CACNA2D3: variants seen among roughly 807,000 people sequenced by gnomAD.
CACNA2D3 encodes voltage-dependent calcium channel subunit alpha-2/delta-3.
A neutral mutation model predicts 160.6 loss-of-function variants in CACNA2D3; 60 were observed. The ratio of observed to expected loss-of-function variants is 0.37; its 90% confidence interval spans 0.30 to 0.46. The LOEUF (loss-of-function observed/expected upper bound fraction) is 0.46. CACNA2D3 is among the 20% of genes least tolerant of loss of function. CACNA2D3 has a pLI of 1.00. For synonymous variants in CACNA2D3, 558 were observed against 492.9 expected (o/e 1.13, Z -1.75); for missense variants, 1,205 against 1,365.0 (o/e 0.88, Z 1.85).
chr3:55,050,359 C>A (rs1436267882), intron 35 of CACNA2D3, among the ~76,000 whole-genome samples: 6 of 151,684 alleles, frequency 4.0e-5, no homozygotes, highest in East Asian at 3.9e-4. Context: ...TCCTTCACTT[C>A]TGAAGCTTAG....
At chr3:54,525,604 G>A (rs1210571809) in intron 5 of CACNA2D3, among the ~76,000 whole-genome samples, 2 of 151,970 alleles carry the variant, frequency 1.3e-5, no homozygotes, top group Admixed American at 6.6e-5. Context: ...AGGATTTTTG[G>A]TTGACAGTTT....
chr3:54,154,356 C>T (rs1478618785), intron 2 of CACNA2D3, among the ~76,000 whole-genome samples: 1 of 152,082 alleles, frequency 6.6e-6, no homozygotes, highest in Non-Finnish European at 1.5e-5. Flanking sequence ...TTCCATTTTA[C>T]AAATGAGAAC....
intron 31 of CACNA2D3, among the ~76,000 whole-genome samples, chr3:54,998,146 T>G (rs1702900112): frequency 6.7e-6 from 1 of 148,938 alleles, no homozygotes; most frequent in African/African-American, 2.5e-5. Flanking sequence ...TTTTTTTTTT[T>G]GAGATGGAGT....
intron 31 of CACNA2D3, among the ~76,000 whole-genome samples, chr3:54,998,260 C>G (rs570538105): frequency 6.6e-6 from 1 of 151,688 alleles, no homozygotes; most frequent in Non-Finnish European, 1.5e-5. Flanking sequence ...CTTAGCCTGC[C>G]GAGTAGCTGG....
chr3:54,619,496 C>CT (rs1339863019), intron 9 of CACNA2D3, among the ~76,000 whole-genome samples: 3 of 152,194 alleles, frequency 2.0e-5, no homozygotes, highest in African/African-American at 7.2e-5. Context: ...GGAGATCTAT[C>CT]TTTTCTCTAA....
At chr3:54,270,328 G>A (rs1186893478) in intron 2 of CACNA2D3, among the ~76,000 whole-genome samples, 1 of 152,174 alleles carries the variant, frequency 6.6e-6, no homozygotes, top group African/African-American at 2.4e-5. Context: ...TATAAATATA[G>A]AACAGAAATA....
At chr3:54,922,823 C>T (rs919488265) in intron 27 of CACNA2D3, among the ~76,000 whole-genome samples, 20 of 152,130 alleles carry the variant, frequency 1.3e-4, no homozygotes, top group Non-Finnish European at 2.6e-4. Context: ...TCACTCACTC[C>T]CCCCAGTCCC....
At chr3:54,626,077 C>G in intron 9 of CACNA2D3, 1 of 568,038 alleles carries the variant, frequency 1.8e-6, no homozygotes, top group Non-Finnish European at 3.2e-6. Context: ...GGTGACTCCC[C>G]CTGCCAGTTT....
intron 3 of CACNA2D3, among the ~76,000 whole-genome samples, chr3:54,365,887 C>T (rs553885138): frequency 1.2e-4 from 18 of 152,172 alleles, no homozygotes; most frequent in East Asian, 1.2e-3. Flanking sequence ...AAATAAAATA[C>T]AGCCTATCCT....
intron 35 of CACNA2D3, among the ~76,000 whole-genome samples, chr3:55,024,637 G>A (rs358048): frequency 0.27 from 40,755 of 152,004 alleles, 5,954 homozygotes; most frequent in East Asian, 0.45. Context: ...TTGATCTTGG[G>A]ATTCCCAGCC....
intron 32 of CACNA2D3, among the ~76,000 whole-genome samples, chr3:55,006,903 T>C (rs1172021401): frequency 6.6e-6 from 1 of 152,188 alleles, no homozygotes; most frequent in Non-Finnish European, 1.5e-5. Context: ...TGGCATGCAT[T>C]TCAATTCTCC....
chr3:54,444,913 A>G (rs1201548388), intron 4 of CACNA2D3, among the ~76,000 whole-genome samples: 1 of 152,238 alleles, frequency 6.6e-6, no homozygotes, highest in Non-Finnish European at 1.5e-5. Context: ...TGCCTTTGCA[A>G]GTGCAGCTAA....
chr3:54,463,593 C>CAT (rs200791385), intron 4 of CACNA2D3, among the ~76,000 whole-genome samples: 13,278 of 152,074 alleles, frequency 0.087, 783 homozygotes, highest in Middle Eastern at 0.14. Flanking sequence ...GCATTCTTCA[C>CAT]AGTTCTCGAG....
intron 11 of CACNA2D3, among the ~76,000 whole-genome samples, chr3:54,751,032 A>G (rs571792076): frequency 6.6e-6 from 1 of 152,036 alleles, no homozygotes; most frequent in Non-Finnish European, 1.5e-5. Context: ...GGCCTCCCAA[A>G]GTACTGGGAG....
At chr3:54,670,205 C>G (rs538240271) in intron 11 of CACNA2D3, among the ~76,000 whole-genome samples, 1 of 152,268 alleles carries the variant, frequency 6.6e-6, no homozygotes, top group African/African-American at 2.4e-5. Flanking sequence ...TTTTCCTATT[C>G]TCTCCTGCCC....
At chr3:54,832,574 T>A (rs1703904662) in intron 14 of CACNA2D3, among the ~76,000 whole-genome samples, 1 of 152,224 alleles carries the variant, frequency 6.6e-6, no homozygotes, top group African/African-American at 2.4e-5. Flanking sequence ...TTAGACTGGC[T>A]TTCAGGAAGC....
chr3:54,859,867 C>G (rs1488271938), intron 17 of CACNA2D3, among the ~76,000 whole-genome samples: 1 of 151,988 alleles, frequency 6.6e-6, no homozygotes, highest in African/African-American at 2.4e-5. Flanking sequence ...AATCCAATGA[C>G]TATAATACCA....
At chr3:54,272,144 C>T (rs1318439637) in intron 2 of CACNA2D3, among the ~76,000 whole-genome samples, 1 of 152,166 alleles carries the variant, frequency 6.6e-6, no homozygotes, top group South Asian at 2.1e-4. Context: ...ATGGCCCCGC[C>T]ACCCCCCATC....
At chr3:54,675,425 AG>A (rs1175568806) in intron 11 of CACNA2D3, among the ~76,000 whole-genome samples, 3 of 152,252 alleles carry the variant, frequency 2.0e-5, no homozygotes, top group Non-Finnish European at 4.4e-5. Flanking sequence ...CTAGGTGTTG[AG>A]GGCTGACCTG....
Sources: allele counts gnomAD v4.1 joint callset (sites outside exome capture counted in the v4.1 genomes callset), GRCh38; gene constraint gnomAD v4.1.1; transcripts MANE v1.5; gene names NCBI Gene and HGNC (gene_info 2026-07-23, HGNC 2026-07-21).